ZNF462: variants seen among roughly 807,000 people sequenced by gnomAD.
The protein encoded by ZNF462 is zinc finger protein 462, also known as zinc finger PBX1-interacting protein.
In ZNF462, 10 loss-of-function variants were observed where a neutral mutation model predicts 201.9. The observed-to-expected ratio is 0.05, with a 90% CI of 0.03 to 0.08. The LOEUF is 0.08. ZNF462 is among the 10% of genes least tolerant of loss of function. The pLI is 1.00. For synonymous variants in ZNF462, 1,227 were observed against 1,193.3 expected (o/e 1.03, Z -0.58); for missense variants, 2,523 against 3,168.3 (o/e 0.80, Z 4.89).
rs1826708281 is a variant in ZNF462 at position 106,972,992 on chromosome 9, T to C, written c.6695+720T>C. 6.6e-6 allele frequency among the ~76,000 whole-genome samples: 1 copy of C among 152,086 alleles called. No homozygotes were observed. The highest frequency in any genetic ancestry group is 1.5e-5 in the Non-Finnish European group (1 of 68,002). On this transcript the variant is annotated intron_variant, in intron 8 of 12. Transcript: ENST00000277225. This position sits in a 1 kb window ranked among gnomAD's most constrained non-coding sequence, Gnocchi z 4.8. ...GACTACCTGGGTGATTCTGGACAAG[T>C]CACTAAGACACTATCTGTGTCCCTA...
At position 106,929,423 on chromosome 9, in the gene ZNF462, A is replaced by G. The variant is rs756338971; in HGVS notation, c.5511A>G (p.Glu1837=). ...TTGAGAAAGCCGAGGTGGAGGGTGA[A>G]GCTCAGGAAATCGAGTGGCTCCCAT... The part of the protein sequence containing the change: ...GNFEKAEVEG[E]AQEIEWLPFR... The change falls in exon 3 of 13, where the codon GAA becomes GAG. Residue 1837 remains glutamate, a synonymous_variant. Coordinates refer to ENST00000277225, the MANE Select transcript of ZNF462 (RefSeq NM_021224.6). This position sits in a 1 kb window ranked among gnomAD's most constrained non-coding sequence, Gnocchi z 8.7. 1 of 1,614,106 alleles carries G rather than the reference A, an allele frequency of 6.2e-7. No homozygotes were observed. The highest frequency in any genetic ancestry group is 8.5e-7 in the Non-Finnish European group (1 of 1,180,040).
At position 106,917,860 on chromosome 9, in the gene ZNF462, TTATTTATTTATTTA is replaced by T. The variant is rs1829839318; in HGVS notation, c.-30-5492_-30-5479del. Among the ~76,000 whole-genome samples the T allele has an allele frequency of 7.3e-6, 1 of 137,466 alleles. No homozygotes were observed. Among genetic ancestry groups the T allele is most frequent in the African/African-American group, 3.2e-5 (1 of 31,732 alleles). The allele number at this position is 137,466 out of a possible 152,430, so 90.2% of individuals were successfully genotyped here. On this transcript the variant is annotated intron_variant, in intron 1 of 12. Transcript: ENST00000277225. The surrounding 1 kb of genome is among the most constrained non-coding windows in gnomAD (Gnocchi z 4.5). ...TTATTATTTTTTTATATTTATTTAT[TTATTTATTTATTTA>T]TTTATTTATTTATTTATTTTGTGAC... is the stretch of plus-strand genomic sequence containing the variant.
At chr9:106,901,913 CT>C (rs1168335345) in intron 1 of ZNF462, among the ~76,000 whole-genome samples, 1 of 152,094 alleles carries the variant, frequency 6.6e-6, no homozygotes, top group Non-Finnish European at 1.5e-5. Flanking sequence ...CCTTTTATTT[CT>C]TTCTATTGTC....
rs748040269 is a variant in ZNF462 at position 106,932,440 on chromosome 9, A to C, written c.6013-6A>C. On this transcript the variant is annotated splice_region_variant and splice_polypyrimidine_tract_variant and intron_variant, in intron 4 of 12. Coordinates refer to ENST00000277225, the MANE Select transcript of ZNF462 (RefSeq NM_021224.6). The surrounding 1 kb of genome is among the most constrained non-coding windows in gnomAD (Gnocchi z 6.8). Reference sequence around the variant, plus strand: ...TCAATGTGACAGAGTCCTGATGTCCATGCAGGGGCTGCGTTCTCATGAGAG... The same window carrying C: ...TCAATGTGACAGAGTCCTGATGTCCCTGCAGGGGCTGCGTTCTCATGAGAG... The C allele has an allele frequency of 1.9e-6, 3 of 1,614,256 alleles. No individual in the cohort carries two copies. In the South Asian group the frequency reaches 3.3e-5, roughly 18 times the overall value.
chr9:106,873,901 T>G (rs1348478601), intron 1 of ZNF462, among the ~76,000 whole-genome samples: 1 of 152,174 alleles, frequency 6.6e-6, no homozygotes, highest in South Asian at 2.1e-4. Flanking sequence ...GGTGGTTTTA[T>G]AAAATCCTAA....
rs1262083669 is a variant in ZNF462 at position 106,890,955 on chromosome 9, A to G, written c.-31+27600A>G. On this transcript the variant is annotated intron_variant, in intron 1 of 12. Transcript: ENST00000277225. The surrounding 1 kb of genome is among the most constrained non-coding windows in gnomAD (Gnocchi z 4.2). ...TCTTTGTACCTTTCTGGTTGAGTAA[A>G]GAATAAGATAGTCTTTTTCTTTTTT... Among the ~76,000 whole-genome samples the G allele has an allele frequency of 6.6e-6, 1 of 152,220 alleles. No individual in the cohort carries two copies. Among genetic ancestry groups the G allele is most frequent in the East Asian group, 1.9e-4 (1 of 5,192 alleles).
At chr9:106,915,721 G>A (rs117735594) in intron 1 of ZNF462, among the ~76,000 whole-genome samples, 351 of 152,304 alleles carry the variant, frequency 2.3e-3, no homozygotes, top group Non-Finnish European at 4.0e-3. Context: ...GTCCCCTTGA[G>A]TAGGAGGACT....
Position 106,925,337 on chromosome 9 carries a change from T to C in ZNF462, c.1425T>C (p.Cys475=), listed in dbSNP as rs1830145901. ...CAGCTGTCTACAAATGTGACGAATG[T>C]CCGTTTACTTGCAAGAGCTCGTTGA... ...GKTAVYKCDE[C]PFTCKSSLKL... is the part of the protein sequence containing the mutation. The change falls in exon 3 of 13, where the codon TGT becomes TGC. Residue 475 remains cysteine (C), a synonymous_variant. Coordinates refer to ENST00000277225, the MANE Select transcript of ZNF462 (RefSeq NM_021224.6). The surrounding 1 kb of genome is among the most constrained non-coding windows in gnomAD (Gnocchi z 7.9). 6.2e-7 allele frequency: 1 copy of C among 1,614,094 alleles called. No homozygotes were observed. Among genetic ancestry groups the C allele is most frequent in the Non-Finnish European group, 8.5e-7 (1 of 1,180,048 alleles).
rs1588062553 is a variant in ZNF462 at position 106,924,563 on chromosome 9, G to A, written c.651G>A (p.Lys217=). The change falls in exon 3 of 13, where the codon AAG becomes AAA. Residue 217 remains lysine (K), a synonymous_variant. Coordinates refer to ENST00000277225, the MANE Select transcript of ZNF462 (RefSeq NM_021224.6). The surrounding 1 kb of genome is among the most constrained non-coding windows in gnomAD (Gnocchi z 6.2). ...CCGTATCACTGCAGGACCCCTGCAA[G>A]GAACTGCCAGCAGAGGTTGTGGAGC... ...VPPVSLQDPC[K]ELPAEVVERS... is the part of the protein sequence containing the mutation. The A allele has an allele frequency of 6.2e-7, 1 of 1,614,196 alleles. No individual in the cohort carries two copies. Among genetic ancestry groups the A allele is most frequent in the Non-Finnish European group, 8.5e-7 (1 of 1,180,044 alleles).
rs1830061694 is a variant in ZNF462 at position 106,923,390 on chromosome 9, G to C, written c.7G>C (p.Val3Leu). 1 of 1,614,120 alleles carries C rather than the reference G, an allele frequency of 6.2e-7. No individual in the cohort carries two copies. Among genetic ancestry groups the C allele is most frequent in the Non-Finnish European group, 8.5e-7 (1 of 1,180,032 alleles). MEVLQCDGCDFRA... is the reference protein window; with the variant it reads MELLQCDGCDFRA... ...GAGAGGCTAGACCCAGATCATGGAG[G>C]TGCTTCAGTGTGATGGCTGTGATTT... Residue 3 changes from valine to leucine, a missense_variant, in exon 2 of 13, where the codon GTG (valine) becomes CTG (leucine). Transcript: ENST00000277225. This position sits in a 1 kb window ranked among gnomAD's most constrained non-coding sequence, Gnocchi z 5.6.
At chr9:106,931,737 A>T (rs1346102533) in intron 4 of ZNF462, among the ~76,000 whole-genome samples, 2 of 152,126 alleles carry the variant, frequency 1.3e-5, no homozygotes, top group African/African-American at 4.8e-5. Flanking sequence ...TAATTTTTTG[A>T]ATTGATTATG....
At chr9:107,000,360 A>C (rs1240676928) in intron 10 of ZNF462, among the ~76,000 whole-genome samples, 3 of 151,986 alleles carry the variant, frequency 2.0e-5, no homozygotes, top group African/African-American at 7.2e-5. Context: ...CTTTGACCAC[A>C]CTAAAGAATC....
intron 10 of ZNF462, among the ~76,000 whole-genome samples, chr9:106,996,784 T>C (rs1193398816): frequency 6.6e-6 from 1 of 152,164 alleles, no homozygotes; most frequent in Non-Finnish European, 1.5e-5. Context: ...GGCAATATTA[T>C]GAAGTCTTTA....
At chr9:106,989,512 G>A (rs185891473) in intron 10 of ZNF462, among the ~76,000 whole-genome samples, 1 of 152,092 alleles carries the variant, frequency 6.6e-6, no homozygotes. Context: ...TTTTGGTTAT[G>A]TCCTTTGCTG....
chr9:106,862,608 C>T (rs1489345684), upstream of ZNF462, among the ~76,000 whole-genome samples: 1 of 151,964 alleles, frequency 6.6e-6, no homozygotes, highest in Non-Finnish European at 1.5e-5. The surrounding 1 kb of genome is among the most constrained non-coding windows in gnomAD (Gnocchi z 4.2). Context: ...CCTCCTCCTC[C>T]TCTGCCGCCG....
chr9:106,959,275 A>T (rs1265299749), intron 7 of ZNF462, among the ~76,000 whole-genome samples: 1 of 152,116 alleles, frequency 6.6e-6, no homozygotes, highest in Admixed American at 6.6e-5. Flanking sequence ...GTAGCCTCCA[A>T]GCAGCTACTA....
chr9:107,003,102 G>A lies in ZNF462; in HGVS notation c.7057-192G>A, dbSNP rs981917031. Among the ~76,000 whole-genome samples, 4 of 152,210 alleles carry A rather than the reference G, an allele frequency of 2.6e-5. No individual in the cohort carries two copies. Among genetic ancestry groups the A allele is most frequent in the African/African-American group, 7.2e-5 (3 of 41,456 alleles). On this transcript the variant is annotated intron_variant, in intron 10 of 12. Transcript: ENST00000277225. This position sits in a 1 kb window ranked among gnomAD's most constrained non-coding sequence, Gnocchi z 4.4. Reference sequence around the variant, plus strand: ...AAAGTTCCGGTGAAAATGATGGAATGTGGGAGCAAAGGGCTGCTCCATCTC... The same window carrying A: ...AAAGTTCCGGTGAAAATGATGGAATATGGGAGCAAAGGGCTGCTCCATCTC...
chr9:106,954,678 A>G lies in ZNF462; in HGVS notation c.6427+15571A>G, dbSNP rs1246439490. 2.0e-5 allele frequency among the ~76,000 whole-genome samples: 3 copies of G among 152,088 alleles called. No individual in the cohort carries two copies. Among genetic ancestry groups the G allele is most frequent in the African/African-American group, 7.2e-5 (3 of 41,490 alleles). On this transcript the variant is annotated intron_variant, in intron 7 of 12. Transcript: ENST00000277225. The surrounding 1 kb of genome is among the most constrained non-coding windows in gnomAD (Gnocchi z 4.0). ...TATGTCCCCTTTCCTTCATCTCCAC[A>G]TGCCCAGGTACTACCTGTCTTTCAA...
chr9:106,938,954 A>C lies in ZNF462; in HGVS notation c.6274A>C (p.Thr2092Pro), dbSNP rs1010048998. Reference sequence around the variant, plus strand: ...CAAGTGTTCTTGGTGCTCATTCTCCACCATGACAATCAGCCAGCTGAAGGA... The same window carrying C: ...CAAGTGTTCTTGGTGCTCATTCTCCCCCATGACAATCAGCCAGCTGAAGGA... ...AYKCSWCSFS[T>P]MTISQLKEHS... The change falls in exon 7 of 13, where the codon ACC (threonine) becomes CCC (proline). Residue 2092 changes from threonine (T) to proline (P), a missense_variant. This residue lies in a region of ZNF462 where 138 missense variants were observed against 146.3 expected (regional missense o/e 0.94). Coordinates refer to ENST00000277225, the MANE Select transcript of ZNF462 (RefSeq NM_021224.6). The surrounding 1 kb of genome is among the most constrained non-coding windows in gnomAD (Gnocchi z 4.4). 1 of 1,613,104 alleles carries C rather than the reference A, an allele frequency of 6.2e-7. No individual in the cohort carries two copies. Among genetic ancestry groups the C allele is most frequent in the Admixed American group, 1.7e-5 (1 of 59,902 alleles).
Sources: gnomAD v4.1 joint callset for allele counts (sites outside exome capture counted in the v4.1 genomes callset) on GRCh38, gnomAD v4.1.1 for gene constraint, gnomAD v4.1.1 regional missense constraint, Gnocchi (gnomAD v3.1) non-coding constraint, MANE v1.5 for transcripts, NCBI Gene and HGNC (gene_info 2026-07-23, HGNC 2026-07-21) for gene names.